The following SYNPO variants were observed in gnomAD, a reference collection of about 807,000 sequenced individuals.
SYNPO encodes the protein synaptopodin.
In SYNPO, 19 loss-of-function variants were observed where a neutral mutation model predicts 49.5. That is an observed-to-expected ratio of 0.38 (90% CI 0.27 to 0.56). The LOEUF (loss-of-function observed/expected upper bound fraction) is 0.56. SYNPO is among the 20% of genes least tolerant of loss of function. The probability of loss-of-function intolerance (pLI) is 0.68; values close to 1 mark genes in which losing one functional copy is unlikely to be tolerated. For synonymous variants in SYNPO, 536 were observed against 548.0 expected (o/e 0.98, Z 0.31); for missense variants, 1,131 against 1,248.3 (o/e 0.91, Z 1.42).
chr5:150,653,209 C>A (rs1240544130), intron 2 of SYNPO: 1 of 152,154 alleles, frequency 6.6e-6, no homozygotes, highest in Non-Finnish European at 1.5e-5. Context: ...ACTGTGCACA[C>A]CCCCGACTCA....
At chr5:150,615,167 C>T (rs555014559) in intron 1 of SYNPO, 185 of 152,316 alleles carry the variant, frequency 1.2e-3, no homozygotes, top group African/African-American at 4.4e-3. Flanking sequence ...TAGGGCCTGC[C>T]CAAGCTCCCC....
intron 2 of SYNPO, among the ~76,000 whole-genome samples, chr5:150,630,500 C>T (rs1757502115): frequency 6.6e-6 from 1 of 152,162 alleles, no homozygotes; most frequent in Admixed American, 6.5e-5. Context: ...ATATGGGGCC[C>T]TTTGGGAGGG....
chr5:150,618,450 G>A (rs1437069333), exon 2 of SYNPO: 31 of 1,551,702 alleles, frequency 2.0e-5, no homozygotes, highest in Non-Finnish European at 2.5e-5. Flanking sequence ...ATCCCTGATG[G>A]AAGCTACAGG....
At chr5:150,655,208 T>C (rs559955152) in intron 2 of SYNPO, among the ~76,000 whole-genome samples, 2 of 152,238 alleles carry the variant, frequency 1.3e-5, no homozygotes, top group Non-Finnish European at 2.9e-5. Flanking sequence ...TCTAAACTTA[T>C]ATAAAAAGTA....
chr5:150,589,114 T>A, the SYNPO span, among the ~76,000 whole-genome samples: 4 of 150,562 alleles, frequency 2.7e-5, no homozygotes, highest in Non-Finnish European at 5.9e-5. Context: ...TAGGCTGGAG[T>A]GCAGTGGTGT....
chr5:150,645,215 C>T (rs1169360068), intron 1 of SYNPO, among the ~76,000 whole-genome samples: 2 of 152,154 alleles, frequency 1.3e-5, no homozygotes, highest in African/African-American at 2.4e-5. Flanking sequence ...TTCAGAGCCT[C>T]GCTGGCAAGA....
chr5:150,597,237 C>T (rs1442529523), upstream of SYNPO, among the ~76,000 whole-genome samples: 1 of 152,242 alleles, frequency 6.6e-6, no homozygotes, highest in African/African-American at 2.4e-5. Flanking sequence ...TCACCATCAA[C>T]ATACACAGGA....
intron 1 of SYNPO, among the ~76,000 whole-genome samples, chr5:150,605,135 T>TAAG (rs1212951195): frequency 5.3e-5 from 8 of 152,182 alleles, no homozygotes; most frequent in Admixed American, 4.6e-4. Context: ...CAGAGGCCTT[T>TAAG]GCTCCTCAAA....
chr5:150,617,949 CT>C (rs1275890888), intron 1 of SYNPO, among the ~76,000 whole-genome samples: 2 of 152,172 alleles, frequency 1.3e-5, no homozygotes, highest in African/African-American at 2.4e-5. Flanking sequence ...ATGACTGGAG[CT>C]TTCGAAACAC....
intron 2 of SYNPO, among the ~76,000 whole-genome samples, chr5:150,634,863 C>CACACACA (rs919820578): frequency 1.5e-4 from 7 of 45,798 alleles, no homozygotes; most frequent in African/African-American, 7.2e-4. Context: ...CACACACACA[C>CACACACA]CACACACACA....
In SYNPO at chr5:150,649,234, C is replaced by A. The variant is rs34850457; in HGVS notation, c.959C>A (p.Thr320Asn). ...TTGGGGAACTTCACTGCACCCCCCACCTACACTGAGACCTTGTCCACAGCC... is the reference window on the plus strand; with the variant it reads ...TTGGGGAACTTCACTGCACCCCCCAACTACACTGAGACCTTGTCCACAGCC... ...RPLGNFTAPP[T>N]YTETLSTAPL... Residue 320 changes from threonine (T) to asparagine (N), a missense_variant, in exon 2 of 3, where the codon ACC becomes AAC. By Grantham distance (65) the Thr-to-Asn change is moderately conservative. Transcript: ENST00000307662. 8.3e-4 allele frequency: 1,338 copies of A among 1,614,148 alleles called. 9 individuals are homozygous for A. In the African/African-American group the frequency reaches 0.016, roughly 19 times the overall value.
In SYNPO at chr5:150,656,691, G is replaced by C; in HGVS notation, c.2316G>C (p.Pro772=). The C allele has an allele frequency of 6.9e-7, 1 of 1,456,424 alleles. No homozygotes were observed. Among genetic ancestry groups the C allele is most frequent in the Non-Finnish European group, 9.0e-7 (1 of 1,108,196 alleles). The allele number at this position is 1,456,424 out of a possible 1,614,324, so 90.2% of individuals were successfully genotyped here. A position where few individuals can be genotyped will look rare whatever the true frequency, so the allele number is the denominator to read the frequency against. ...CGGCCCGGCGCAAGAGCGCCTCCCC[G>C]CGGTCGGCGGGCGCCGAGAACCCGC... ...INAARRKSAS[P]RSAGAENPRP... Residue 772 remains proline (P), a synonymous_variant, in exon 3 of 3, where the codon CCG becomes CCC. Transcript: ENST00000307662.
intron 2 of SYNPO, among the ~76,000 whole-genome samples, chr5:150,634,803 G>A (rs1275827206): frequency 1.3e-5 from 2 of 151,094 alleles, no homozygotes; most frequent in Non-Finnish European, 2.9e-5. Context: ...GCCAGCCTGG[G>A]TGACAGAGTG....
chr5:150,624,561 C>G (rs1317857827), intron 2 of SYNPO, among the ~76,000 whole-genome samples: 1 of 150,702 alleles, frequency 6.6e-6, no homozygotes, highest in Non-Finnish European at 1.5e-5. Flanking sequence ...GAGGTGCCCC[C>G]GCCTGGAGAT....
intron 2 of SYNPO, among the ~76,000 whole-genome samples, chr5:150,656,097 T>TCTGC: frequency 6.6e-6 from 1 of 152,246 alleles, no homozygotes; most frequent in Non-Finnish European, 1.5e-5. Context: ...TCACACCCCA[T>TCTGC]TTTACAGAAG....
intron 2 of SYNPO, among the ~76,000 whole-genome samples, chr5:150,620,937 CTTTCTTTCTTT>C (rs1757147210): frequency 1.7e-5 from 2 of 119,496 alleles, no homozygotes; most frequent in East Asian, 4.6e-4. Context: ...TTCTTTCTTT[CTTTCTTTCTTT>C]TCTTTTCTTT....
intron 2 of SYNPO, among the ~76,000 whole-genome samples, chr5:150,631,154 A>G (rs1757522959): frequency 6.6e-6 from 1 of 152,198 alleles, no homozygotes; most frequent in Non-Finnish European, 1.5e-5. Flanking sequence ...TACTTAGTCA[A>G]CAAATGTTTA....
At chr5:150,617,491 T>G (rs1037247515) in intron 1 of SYNPO, among the ~76,000 whole-genome samples, 5 of 152,206 alleles carry the variant, frequency 3.3e-5, no homozygotes, top group African/African-American at 1.2e-4. Context: ...AGACAGCGTT[T>G]CACCATGTTG....
chr5:150,590,297 G>T, the SYNPO span, among the ~76,000 whole-genome samples: 1 of 152,226 alleles, frequency 6.6e-6, no homozygotes, highest in African/African-American at 2.4e-5. Context: ...TCTCCTGGCT[G>T]GGACCATAGG....
Sources: allele counts gnomAD v4.1 joint callset (sites outside exome capture counted in the v4.1 genomes callset), GRCh38; gene constraint gnomAD v4.1.1; transcripts MANE v1.5; gene names NCBI Gene and HGNC (gene_info 2026-07-23, HGNC 2026-07-21).